FGF14: variants seen among roughly 807,000 people sequenced by gnomAD.
FGF14 encodes fibroblast growth factor 14, also known as fibroblast growth factor homologous factor 4.
FGF14 carries 5 observed loss-of-function variants against 25.5 expected under a neutral mutation model. That is an observed-to-expected ratio of 0.20 (90% CI 0.10 to 0.41). FGF14 has a LOEUF of 0.41. FGF14 is among the 10% of genes least tolerant of loss of function. The probability of loss-of-function intolerance (pLI) is 1.00; values close to 1 mark genes in which losing one functional copy is unlikely to be tolerated. For missense variants in FGF14, 222 were observed against 320.1 expected (o/e 0.69, Z 2.34); for synonymous variants, 138 against 118.3 (o/e 1.17, Z -1.08).
intron 2 of FGF14, 38 bp downstream of exon 2, chr13:101,875,148 A>G: frequency 1.5e-6 from 2 of 1,359,034 alleles, no homozygotes; most frequent in Non-Finnish European, 2.1e-6. Context: ...TGTATCTTCT[A>G]CCAACTATGT....
intron 1 of FGF14, chr13:102,394,443 C>A (rs551994177): frequency 4.6e-5 from 7 of 152,476 alleles, no homozygotes; most frequent in South Asian, 4.1e-4. Context: ...TCTGCCAGGG[C>A]AGGAGCCCTA....
intron 3 of FGF14, among the ~76,000 whole-genome samples, chr13:101,794,297 T>C (rs2040401469): frequency 6.6e-6 from 1 of 152,062 alleles, no homozygotes; most frequent in Non-Finnish European, 1.5e-5. Flanking sequence ...CAGCTCTCTT[T>C]CTCTACGGTT....
At chr13:102,338,847 TTA>T (rs1282602967) in intron 1 of FGF14, among the ~76,000 whole-genome samples, 1 of 151,322 alleles carries the variant, frequency 6.6e-6, no homozygotes. Context: ...AACCCCGTCT[TTA>T]AAATACAAAA....
intron 3 of FGF14, among the ~76,000 whole-genome samples, chr13:101,734,826 C>T (rs2139741171): frequency 6.6e-6 from 1 of 152,280 alleles, no homozygotes; most frequent in African/African-American, 2.4e-5. Flanking sequence ...GAGTACGTTA[C>T]TTTCATCAAG....
At chr13:101,999,236 A>G (rs1256095005) in intron 1 of FGF14, among the ~76,000 whole-genome samples, 1 of 152,246 alleles carries the variant, frequency 6.6e-6, no homozygotes, top group African/African-American at 2.4e-5. Flanking sequence ...AAGTGATAAG[A>G]AACACTGAAA....
At chr13:101,772,331 G>C (rs568305080) in intron 3 of FGF14, among the ~76,000 whole-genome samples, 128 of 152,160 alleles carry the variant, frequency 8.4e-4, no homozygotes, top group African/African-American at 2.8e-3. Flanking sequence ...ATAATTAATA[G>C]CAAATCGTCT....
At chr13:102,260,206 T>C (rs776122273) in intron 1 of FGF14, among the ~76,000 whole-genome samples, 1 of 152,202 alleles carries the variant, frequency 6.6e-6, no homozygotes, top group Non-Finnish European at 1.5e-5. Context: ...TGAAATCTAG[T>C]TATCTTTTGA....
intron 1 of FGF14, among the ~76,000 whole-genome samples, chr13:102,091,467 C>A (rs533269714): frequency 6.6e-6 from 1 of 151,404 alleles, no homozygotes; most frequent in East Asian, 1.9e-4. Context: ...TCACCCCCCA[C>A]CAACAGCAGA....
chr13:101,795,423 G>A (rs1156851191), intron 3 of FGF14, among the ~76,000 whole-genome samples: 3 of 151,978 alleles, frequency 2.0e-5, no homozygotes, highest in Admixed American at 6.6e-5. Flanking sequence ...TTTGTTTAAG[G>A]TAACTAGTAA....
At position 101,720,325 on chromosome 13, in the gene FGF14, A is replaced by G. The variant is rs2139642390; in HGVS notation, c.*2506T>C. 1 of 152,254 alleles carries G rather than the reference A, an allele frequency of 6.6e-6. No homozygotes were observed. The highest frequency in any genetic ancestry group is 2.1e-4 in the South Asian group (1 of 4,834). The allele number at this position is 152,254 out of a possible 1,614,324, so 9.4% of individuals were successfully genotyped here. ...AATATGTCTAAACATATATTAGAAGAAAGTATTTGACATCCTTCATAGGGA... is the reference window on the plus strand; with the variant it reads ...AATATGTCTAAACATATATTAGAAGGAAGTATTTGACATCCTTCATAGGGA... On this transcript the variant is annotated 3_prime_UTR_variant, in exon 5 of 5. Transcript: ENST00000376143.
rs1285640563 is a variant in FGF14, at chr13:101,712,865, G to A, written c.*9966C>T. On this transcript the variant is annotated 3_prime_UTR_variant, in exon 5 of 5. Transcript: ENST00000376143. ...ATTCCTCACCTTGATGAGACCACAA[G>A]GGAACCAGCATCCTTTGCAGACTGA... 1 of 152,130 alleles carries A rather than the reference G, an allele frequency of 6.6e-6. No homozygotes were observed. The highest frequency in any genetic ancestry group is 1.5e-5 in the Non-Finnish European group (1 of 68,028). 9.4% of individuals were successfully genotyped at this position (152,130 alleles called of 1,614,324 possible).
At chr13:101,745,168 C>T (rs546228720) in intron 3 of FGF14, among the ~76,000 whole-genome samples, 8 of 152,074 alleles carry the variant, frequency 5.3e-5, no homozygotes, top group East Asian at 3.9e-4. Flanking sequence ...ACTTATTCTG[C>T]GAGTGCTTTA....
At chr13:102,025,697 C>T (rs1383623990) in intron 1 of FGF14, among the ~76,000 whole-genome samples, 4 of 152,082 alleles carry the variant, frequency 2.6e-5, no homozygotes, top group African/African-American at 9.7e-5. Context: ...GAGTGAGCCA[C>T]TGCACCCAGA....
At chr13:101,835,825 T>G (rs1033563567) in intron 3 of FGF14, among the ~76,000 whole-genome samples, 10 of 152,098 alleles carry the variant, frequency 6.6e-5, no homozygotes, top group East Asian at 1.9e-4. Context: ...GAAACAAGAT[T>G]TCAAGAAAAC....
Position 101,884,242 on chromosome 13 carries a change from C to T in FGF14, c.194-8946G>A, listed in dbSNP as rs552237909. Among the ~76,000 whole-genome samples, 6 of 152,038 alleles carry T rather than the reference C, an allele frequency of 3.9e-5. No homozygotes were observed. The East Asian group carries it at 1.2e-3, about 30-fold the overall frequency. On this transcript the variant is annotated intron_variant, in intron 1 of 4. Transcript: ENST00000376143. The stretch of plus-strand genomic sequence containing the variant: ...CTCTAGGTGGACATCCCAGTGTTCT[C>T]AGACCACCCCTGATACAAACACACA...
At chr13:101,908,184 G>A (rs910953268) in intron 1 of FGF14, among the ~76,000 whole-genome samples, 4 of 152,166 alleles carry the variant, frequency 2.6e-5, no homozygotes, top group African/African-American at 9.6e-5. Flanking sequence ...GTTATTGACT[G>A]TGAATTTAAA....
chr13:102,213,312 G>A (rs759256362), intron 1 of FGF14, among the ~76,000 whole-genome samples: 25 of 152,146 alleles, frequency 1.6e-4, no homozygotes, highest in Non-Finnish European at 1.8e-4. Flanking sequence ...ATAAATGAAA[G>A]GGTTTAGAAC....
chr13:102,149,962 A>C (rs1338856271), intron 1 of FGF14, among the ~76,000 whole-genome samples: 1 of 152,228 alleles, frequency 6.6e-6, no homozygotes, highest in Non-Finnish European at 1.5e-5. Flanking sequence ...ACAAATTCGA[A>C]GACAAAAATC....
chr13:101,759,257 C>T (rs2037852948), intron 3 of FGF14, among the ~76,000 whole-genome samples: 1 of 152,130 alleles, frequency 6.6e-6, no homozygotes, highest in African/African-American at 2.4e-5. Flanking sequence ...CAATGAGATG[C>T]TCTCAACTGG....
Sources: allele counts gnomAD v4.1 joint callset (sites outside exome capture counted in the v4.1 genomes callset), GRCh38; gene constraint gnomAD v4.1.1; transcripts MANE v1.5; gene names NCBI Gene and HGNC (gene_info 2026-07-23, HGNC 2026-07-21).